AP1S2: variants seen among roughly 807,000 people sequenced by gnomAD.
The protein encoded by AP1S2 is adaptor related protein complex 1 subunit sigma 2, also known as AP-1 complex subunit sigma-2.
A neutral mutation model predicts 14.3 loss-of-function variants in AP1S2; 1 was observed. The ratio of observed to expected loss-of-function variants is 0.07; its 90% CI spans 0.02 to 0.33. AP1S2 has a LOEUF of 0.33. Ranked by LOEUF, AP1S2 falls within the 10% of genes least tolerant of loss-of-function variation. The pLI is 0.99. For missense variants in AP1S2, 30 were observed against 117.7 expected (o/e 0.25, Z 3.45); for synonymous variants, 30 against 40.5 (o/e 0.74, Z 0.99).
intron 1 of AP1S2, among the ~76,000 whole-genome samples, chrX:15,854,275 C>CA (rs962175381): frequency 1.3e-4 from 14 of 111,616 alleles, no homozygotes; most frequent in Admixed American, 5.6e-4. Context: ...GCCTCCCCCC[C>CA]ACTCCCGTGG....
At chrX:15,837,605 CTTTT>C (rs35560738) in intron 4 of AP1S2, among the ~76,000 whole-genome samples, 4 of 82,609 alleles carry the variant, frequency 4.8e-5, no homozygotes, top group Non-Finnish European at 6.9e-5. Context: ...ATAGAGATGA[CTTTT>C]TTTTTTTTTT....
At chrX:15,827,986 C>T (rs1017618204) in intron 5 of AP1S2, among the ~76,000 whole-genome samples, 17 of 111,000 alleles carry the variant, frequency 1.5e-4, no homozygotes, top group African/African-American at 4.9e-4. Context: ...TTTTAAGTGT[C>T]AAAGGAGGTC....
intron 4 of AP1S2, among the ~76,000 whole-genome samples, chrX:15,842,081 C>G (rs749017490): frequency 5.8e-4 from 65 of 111,673 alleles, no homozygotes; most frequent in African/African-American, 1.9e-3. Flanking sequence ...CTGCTGAGCC[C>G]AGGGCCTCAC....
chrX:15,845,133 T>C, intron 4 of AP1S2: 1 of 754,261 alleles, frequency 1.3e-6, no homozygotes, highest in Non-Finnish European at 1.6e-6. Context: ...CTCCAGTGTT[T>C]TAGGGTCCAA....
At chrX:15,845,255 A>T (rs1002986642) in intron 4 of AP1S2, 124 bp downstream of exon 4, 13 of 1,143,872 alleles carry the variant, frequency 1.1e-5, no homozygotes, top group Non-Finnish European at 1.5e-5. Context: ...TAAACTGCAC[A>T]TGGATGGACA....
chrX:15,833,495 G>C, intron 4 of AP1S2: 1 of 866,262 alleles, frequency 1.2e-6, no homozygotes, highest in Non-Finnish European at 1.4e-6. Flanking sequence ...CTCTTCACTG[G>C]AAAAACATCC....
intron 4 of AP1S2, among the ~76,000 whole-genome samples, chrX:15,837,742 G>A (rs1601850340): frequency 9.2e-6 from 1 of 108,674 alleles, no homozygotes; most frequent in African/African-American, 3.4e-5. Context: ...AAGTAGCTGG[G>A]ATTACAGGCA....
intron 1 of AP1S2, among the ~76,000 whole-genome samples, chrX:15,854,220 G>C (rs533039242): frequency 8.9e-6 from 1 of 112,376 alleles, no homozygotes; most frequent in South Asian, 3.6e-4. Context: ...CTCAGCCGCG[G>C]CGCGGGCTCG....
In AP1S2 at chrX:15,826,305, C is replaced by CT. The variant is rs1357304310; in HGVS notation, c.*1019dup. 2.7e-5 allele frequency: 3 copies of CT among 112,341 alleles called. No homozygotes were observed. Among genetic ancestry groups the CT allele is most frequent in the African/African-American group, 9.7e-5 (3 of 30,943 alleles). 9.3% of individuals were successfully genotyped at this position (112,341 alleles called of 1,213,427 possible). A position where few individuals can be genotyped will look rare whatever the true frequency, so the allele number is the denominator to read the frequency against. On this transcript the variant is annotated 3_prime_UTR_variant, in exon 6 of 6. Transcript: ENST00000672987. Reference sequence around the variant, plus strand: ...TAATGCCATTTTACCTCATTCAACTCTTTTTTGTAAGAAATGTGTCTTTTT... The same window carrying CT: ...TAATGCCATTTTACCTCATTCAACTCTTTTTTTGTAAGAAATGTGTCTTTTT...
intron 4 of AP1S2, among the ~76,000 whole-genome samples, chrX:15,829,390 T>A (rs780126041): frequency 8.9e-6 from 1 of 111,814 alleles, no homozygotes; most frequent in Non-Finnish European, 1.9e-5. Flanking sequence ...AATGTATCAA[T>A]TAAATAATGC....
chrX:15,828,075 G>T, intron 5 of AP1S2, 117 bp downstream of exon 5: 1 of 476,461 alleles, frequency 2.1e-6, no homozygotes, highest in Admixed American at 4.5e-5. Flanking sequence ...ACAAAATAAA[G>T]GACCAAGGAG....
At chrX:15,830,584 T>C (rs1263536088) in intron 4 of AP1S2, 5 of 647,306 alleles carry the variant, frequency 7.7e-6, no homozygotes, top group Non-Finnish European at 9.2e-6. Context: ...TAAAAAAATA[T>C]GCTGCATGTT....
At chrX:15,852,616 G>C in intron 1 of AP1S2, 92 bp from the exon 2 acceptor site, 1 of 842,850 alleles carries the variant, frequency 1.2e-6, no homozygotes, top group Non-Finnish European at 1.7e-6. Context: ...TGGGGGATGG[G>C]GCATTTACAT....
At chrX:15,843,482 G>C (rs1302999272) in intron 4 of AP1S2, among the ~76,000 whole-genome samples, 1 of 111,676 alleles carries the variant, frequency 9.0e-6, no homozygotes, top group Admixed American at 9.5e-5. Flanking sequence ...TTGAGCCCGG[G>C]AGGCAGAGGT....
intron 4 of AP1S2, chrX:15,840,533 T>TA (rs1413722188): frequency 2.0e-6 from 2 of 979,048 alleles, no homozygotes; most frequent in Non-Finnish European, 2.7e-6. Flanking sequence ...ACTAAAGCCT[T>TA]AGACTGCTCT....
intron 4 of AP1S2, among the ~76,000 whole-genome samples, chrX:15,843,883 G>A (rs948160017): frequency 1.8e-5 from 2 of 111,846 alleles, no homozygotes; most frequent in East Asian, 2.8e-4. Context: ...TATAGTCAGC[G>A]CACCTGATAT....
At chrX:15,829,738 T>A (rs1273474579) in intron 4 of AP1S2, among the ~76,000 whole-genome samples, 1 of 111,667 alleles carries the variant, frequency 9.0e-6, no homozygotes, top group Admixed American at 9.6e-5. Context: ...CTATTATCTA[T>A]CTAAAGTAGT....
intron 4 of AP1S2, chrX:15,840,496 C>G: frequency 1.0e-6 from 1 of 954,141 alleles, no homozygotes; most frequent in Non-Finnish European, 1.4e-6. Flanking sequence ...TTAGTAGTTA[C>G]CAATAAATAA....
At chrX:15,847,678 A>G (rs1467524136) in intron 2 of AP1S2, among the ~76,000 whole-genome samples, 3 of 112,037 alleles carry the variant, frequency 2.7e-5, no homozygotes, top group Non-Finnish European at 5.6e-5. Context: ...TTTAAAAGAG[A>G]ATAGAGTATT....
Sources: gnomAD v4.1 joint callset for allele counts (sites outside exome capture counted in the v4.1 genomes callset) on GRCh38, gnomAD v4.1.1 for gene constraint, MANE v1.5 for transcripts, NCBI Gene and HGNC (gene_info 2026-07-23, HGNC 2026-07-21) for gene names.